The following BICRAL variants were observed in gnomAD, a reference collection of about 807,000 sequenced individuals.
BICRAL encodes the protein BRD4-interacting chromatin-remodeling complex-associated protein-like.
BICRAL carries 8 observed loss-of-function variants against 91.8 expected under a neutral mutation model. The observed-to-expected ratio is 0.09, with a 90% CI of 0.05 to 0.16. The LOEUF is 0.16. Among genes scored for constraint, BICRAL ranks in the 10% least tolerant of loss-of-function variants. The pLI is 1.00. For synonymous variants in BICRAL, 445 were observed against 491.1 expected (o/e 0.91, Z 1.24); for missense variants, 1,038 against 1,310.9 (o/e 0.79, Z 3.21).
intron 5 of BICRAL, among the ~76,000 whole-genome samples, chr6:42,826,234 T>C (rs1197878475): frequency 7.5e-6 from 1 of 133,542 alleles, no homozygotes; most frequent in Non-Finnish European, 1.7e-5. Flanking sequence ...TCATGTTCTT[T>C]TTTTTTTTTT....
intron 1 of BICRAL, among the ~76,000 whole-genome samples, chr6:42,783,538 C>T (rs1161648506): frequency 6.6e-6 from 1 of 152,064 alleles, no homozygotes; most frequent in East Asian, 1.9e-4. Flanking sequence ...GCGGGCGGCG[C>T]CCTCCGAGGA....
At chr6:42,777,542 T>TA (rs377295051), upstream of BICRAL, among the ~76,000 whole-genome samples, 202 of 152,356 alleles carry the variant, frequency 1.3e-3, 2 homozygotes, top group African/African-American at 4.8e-3. Context: ...ATAGAACACT[T>TA]ACTAACTCTT....
upstream of BICRAL, among the ~76,000 whole-genome samples, chr6:42,778,321 G>C (rs1190609566): frequency 6.6e-6 from 1 of 152,142 alleles, no homozygotes; most frequent in Non-Finnish European, 1.5e-5. Context: ...TGAGTTTTGG[G>C]GTCAGCCAGA....
At chr6:42,779,257 CACACACACACACA>C (rs1762849344), upstream of BICRAL, among the ~76,000 whole-genome samples, 1 of 148,906 alleles carries the variant, frequency 6.7e-6, no homozygotes, top group African/African-American at 2.5e-5. Flanking sequence ...CACACACACA[CACACACACACACA>C]CACATATCAT....
intron 5 of BICRAL, among the ~76,000 whole-genome samples, chr6:42,826,231 C>CTT (rs763034286): frequency 6.3e-4 from 74 of 116,856 alleles, no homozygotes; most frequent in African/African-American, 9.3e-4. Flanking sequence ...AACTCATGTT[C>CTT]TTTTTTTTTT....
chr6:42,829,898 G>T lies in BICRAL; in HGVS notation c.1565G>T (p.Arg522Ile), dbSNP rs1208697786. 1 of 1,614,226 alleles carries T rather than the reference G, an allele frequency of 6.2e-7. No individual in the cohort carries two copies. ...SPGQSSVSQG[R>I]PGFATMPSVT... is the part of the protein sequence containing the mutation. ...GGGCAGAGCAGCGTTTCCCAAGGAA[G>T]ACCTGGCTTCGCCACCATGCCATCG... Residue 522 changes from arginine to isoleucine, a missense_variant, in exon 6 of 13, where the codon AGA (arginine) becomes ATA (isoleucine). Arg to Ile is a moderately conservative substitution (Grantham distance 97). Around this residue, in one of 5 missense-constraint regions of BICRAL, gnomAD observed 532 missense variants for 724.9 expected, o/e 0.73. Transcript: ENST00000314073.
chr6:42,802,442 T>A (rs1365539386), intron 1 of BICRAL, among the ~76,000 whole-genome samples: 1 of 151,784 alleles, frequency 6.6e-6, no homozygotes, highest in Non-Finnish European at 1.5e-5. Flanking sequence ...TTGTTGTTGT[T>A]GTTGTTGTTG....
intron 6 of BICRAL, among the ~76,000 whole-genome samples, chr6:42,844,508 CAAAAAAAAAAAAAAAAAAAA>C (rs34115804): frequency 0.14 from 4,405 of 31,466 alleles, 206 homozygotes; most frequent in Middle Eastern, 0.28. Flanking sequence ...GACTCCATCT[CAAAAAAAAAAAAAAAAAAAA>C]AAAAAAAAAA....
At chr6:42,791,876 C>T (rs148365802) in intron 1 of BICRAL, among the ~76,000 whole-genome samples, 5 of 152,246 alleles carry the variant, frequency 3.3e-5, no homozygotes, top group East Asian at 1.9e-4. Flanking sequence ...AGTGCTCTTA[C>T]GCAAACCAAT....
At chr6:42,836,198 T>TAA (rs1764633555) in intron 6 of BICRAL, among the ~76,000 whole-genome samples, 2 of 152,226 alleles carry the variant, frequency 1.3e-5, no homozygotes, top group East Asian at 3.8e-4. Context: ...ATGTATGTAT[T>TAA]GATCAGCTTT....
intron 11 of BICRAL, 37 bp downstream of exon 11, chr6:42,860,393 T>C: frequency 1.7e-6 from 2 of 1,199,484 alleles, no homozygotes; most frequent in South Asian, 2.5e-5. Context: ...TCTTTAAAAC[T>C]TTACAGGTCA....
intron 1 of BICRAL, among the ~76,000 whole-genome samples, chr6:42,755,355 A>G (rs1363065099): frequency 6.6e-6 from 1 of 152,172 alleles, no homozygotes; most frequent in African/African-American, 2.4e-5. Context: ...GAGCTGGGGT[A>G]TCCCTGGAAG....
intron 1 of BICRAL, among the ~76,000 whole-genome samples, chr6:42,800,925 C>T (rs1287237021): frequency 6.6e-6 from 1 of 151,886 alleles, no homozygotes; most frequent in Non-Finnish European, 1.5e-5. Flanking sequence ...TTCATAATAA[C>T]TTTTAATCAG....
intron 10 of BICRAL, among the ~76,000 whole-genome samples, chr6:42,857,600 T>TAAAAAAAAAAAAA (rs748078737): frequency 8.9e-5 from 9 of 101,324 alleles, no homozygotes; most frequent in African/African-American, 4.0e-4. Flanking sequence ...CACTGTCTCT[T>TAAAAAAAAAAAAA]AAAAAAAAAA....
intron 1 of BICRAL, among the ~76,000 whole-genome samples, chr6:42,771,991 G>T (rs141605647): frequency 2.0e-5 from 3 of 152,072 alleles, no homozygotes; most frequent in Non-Finnish European, 2.9e-5. Flanking sequence ...GGGAGGAGGA[G>T]GATGAAGGCA....
chr6:42,787,023 G>A (rs1329243964), intron 1 of BICRAL, among the ~76,000 whole-genome samples: 1 of 152,028 alleles, frequency 6.6e-6, no homozygotes, highest in Non-Finnish European at 1.5e-5. Context: ...CTATTTAGAG[G>A]AAGAGAGGAA....
intron 10 of BICRAL, among the ~76,000 whole-genome samples, chr6:42,857,661 A>C (rs1048161882): frequency 7.0e-5 from 10 of 143,854 alleles, no homozygotes; most frequent in African/African-American, 2.7e-4. Flanking sequence ...CCCTAATGTC[A>C]GAGTATTTTA....
At chr6:42,788,634 A>G (rs1763174811) in intron 1 of BICRAL, among the ~76,000 whole-genome samples, 1 of 152,184 alleles carries the variant, frequency 6.6e-6, no homozygotes, top group South Asian at 2.1e-4. Context: ...TGCAAGGTGA[A>G]TTGGAGGTAG....
intron 3 of BICRAL, among the ~76,000 whole-genome samples, chr6:42,822,459 A>G (rs1232259382): frequency 8.0e-5 from 12 of 150,860 alleles, no homozygotes; most frequent in Non-Finnish European, 5.9e-5. Context: ...ATGTTGTACA[A>G]GCTGGTCTCC....
Sources: gnomAD v4.1 joint callset for allele counts (sites outside exome capture counted in the v4.1 genomes callset) on GRCh38, gnomAD v4.1.1 for gene constraint, gnomAD v4.1.1 regional missense constraint, MANE v1.5 for transcripts, NCBI Gene and HGNC (gene_info 2026-07-23, HGNC 2026-07-21) for gene names.